MYH6: variants seen among roughly 807,000 people sequenced by gnomAD.
MYH6 encodes the protein myosin heavy chain 6.
Under a neutral mutation model 223.2 loss-of-function variants are expected in MYH6, and 126 were observed. The ratio of observed to expected loss-of-function variants is 0.56; its 90% CI spans 0.49 to 0.65. The LOEUF (loss-of-function observed/expected upper bound fraction) is 0.65, where lower values mean the gene tolerates loss of function less well. Among genes scored for constraint, MYH6 ranks in the 30% least tolerant of loss-of-function variants. The pLI is 0.00. For missense variants in MYH6, 2,040 were observed against 2,536.4 expected (o/e 0.80, Z 4.20); for synonymous variants, 978 against 1,010.2 (o/e 0.97, Z 0.61).
At position 23,407,519 on chromosome 14, in the gene MYH6, C is replaced by T. The variant is rs144610591; in HGVS notation, c.-14+57G>A. ...ACAGCAGACCCCTGGTCCAGCAATCCGGCTCCCAGGAGAAGCATGCCCCAG... is the reference window on the plus strand; with the variant it reads ...ACAGCAGACCCCTGGTCCAGCAATCTGGCTCCCAGGAGAAGCATGCCCCAG... On this transcript the variant is annotated intron_variant, in intron 2 of 38. Transcript: ENST00000405093. This position sits in a 1 kb window ranked among gnomAD's most constrained non-coding sequence, Gnocchi z 5.6. 938 of 1,306,500 alleles carry T rather than the reference C, an allele frequency of 7.2e-4. 4 individuals are homozygous for T. The African/African-American group carries it at 9.8e-3, about 14-fold the overall frequency. The allele number at this position is 1,306,500 out of a possible 1,614,324, so 80.9% of individuals were successfully genotyped here. A position where few individuals can be genotyped will look rare whatever the true frequency, so the allele number is the denominator to read the frequency against.
Position 23,393,043 on chromosome 14 carries a change from T to G in MYH6, c.3120A>C (p.Leu1040=), listed in dbSNP as rs778118210. The change falls in exon 24 of 39, where the codon CTA becomes CTC. Residue 1040 remains leucine (L), a synonymous_variant. Coordinates refer to ENST00000405093, the MANE Select transcript of MYH6 (RefSeq NM_002471.4). ...CCATGCGCACCTTCTTCTCTTGCTCTAGGGATCCCTCCAGCTGTTGGAGGG... is the reference window on the plus strand; with the variant it reads ...CCATGCGCACCTTCTTCTCTTGCTCGAGGGATCCCTCCAGCTGTTGGAGGG... ...EQQVDDLEGS[L]EQEKKVRMDL... is the part of the protein sequence containing the mutation. The G allele has an allele frequency of 6.2e-7, 1 of 1,614,198 alleles. No individual in the cohort carries two copies. The highest frequency in any genetic ancestry group is 1.7e-5 in the Admixed American group (1 of 60,026).
chr14:23,386,263 T>G, intron 33 of MYH6, 52 bp downstream of exon 33: 1 of 1,613,816 alleles, frequency 6.2e-7, no homozygotes, highest in Non-Finnish European at 8.5e-7. Flanking sequence ...CCACTGCTTC[T>G]CCAGGCCACA....
At chr14:23,401,070 G>A (rs1438086838) in intron 12 of MYH6, 93 bp from the exon 13 acceptor site, 11 of 1,541,738 alleles carry the variant, frequency 7.1e-6, no homozygotes, top group African/African-American at 1.4e-5. Context: ...GCAGTGGCAC[G>A]ATCTTGGCTC....
rs1891742669 is a variant in MYH6, at chr14:23,405,148, A to G, written c.503-21T>C. 1 of 1,613,936 alleles carries G rather than the reference A, an allele frequency of 6.2e-7. No individual in the cohort carries two copies. The highest frequency in any genetic ancestry group is 1.3e-5 in the African/African-American group (1 of 74,922). ...CCGATCTGGAAGAAAAAAGAGGAGA[A>G]GCAATGGGGTCAGGGCTGAGGATCT... On this transcript the variant is annotated intron_variant, in intron 5 of 38. Transcript: ENST00000405093. The surrounding 1 kb of genome is among the most constrained non-coding windows in gnomAD (Gnocchi z 4.7).
intron 3 of MYH6, among the ~76,000 whole-genome samples, chr14:23,406,780 A>G (rs1891801830): frequency 1.3e-5 from 2 of 152,116 alleles, no homozygotes; most frequent in Non-Finnish European, 2.9e-5. Context: ...GCGAACACTG[A>G]GGTTCTTCTT....
intron 8 of MYH6, 145 bp from the exon 9 acceptor site, chr14:23,403,923 C>T (rs1891693494): frequency 2.6e-6 from 2 of 768,608 alleles, no homozygotes; most frequent in East Asian, 5.3e-5. Flanking sequence ...TGAAGCCGGG[C>T]AGAGGATGCC....
At chr14:23,401,108 G>A (rs1487334633) in intron 12 of MYH6, 131 bp from the exon 13 acceptor site, 2 of 1,442,838 alleles carry the variant, frequency 1.4e-6, no homozygotes, top group African/African-American at 2.8e-5. Context: ...CTGGGTTCAA[G>A]TGATTTTCCT....
chr14:23,404,700 C>A lies in MYH6; in HGVS notation c.642+11G>T, dbSNP rs1891724436. The stretch of plus-strand genomic sequence containing the variant: ...ACCCCTGTTCTGCCGAGCCTGTGTC[C>A]CCCATGGCACCTTGTTCGCATTGGC... On this transcript the variant is annotated intron_variant, in intron 7 of 38. Transcript: ENST00000405093. The A allele has an allele frequency of 6.2e-7, 1 of 1,612,442 alleles. No homozygotes were observed. Among genetic ancestry groups the A allele is most frequent in the African/African-American group, 1.3e-5 (1 of 74,994 alleles).
chr14:23,392,674 G>A, intron 24 of MYH6, 22 bp from the exon 25 acceptor site: 3 of 1,459,620 alleles, frequency 2.1e-6, no homozygotes, highest in Non-Finnish European at 2.9e-6. Flanking sequence ...GGGTGGGGGT[G>A]GGGGAGTGAC....
chr14:23,383,134 T>C (rs1566503789), intron 37 of MYH6, 91 bp downstream of exon 37: 2 of 1,170,048 alleles, frequency 1.7e-6, no homozygotes, highest in Non-Finnish European at 2.6e-6. Flanking sequence ...TATAGCAAAC[T>C]CTTTGTCCAG....
chr14:23,407,718 C>T lies in MYH6; in HGVS notation c.-46-110G>A. 1 of 788,014 alleles carries T rather than the reference C, an allele frequency of 1.3e-6. No homozygotes were observed. The highest frequency in any genetic ancestry group is 1.6e-6 in the Non-Finnish European group (1 of 629,458). 48.8% of individuals were successfully genotyped at this position (788,014 alleles called of 1,614,324 possible). ...CAGGCCACCCGGGGATGGAGGCAGC[C>T]CCAGAGCGCAGACAGGCAGGACAGA... On this transcript the variant is annotated intron_variant, in intron 1 of 38. Coordinates refer to ENST00000405093, the MANE Select transcript of MYH6 (RefSeq NM_002471.4). The surrounding 1 kb of genome is among the most constrained non-coding windows in gnomAD (Gnocchi z 5.6).
chr14:23,389,257 C>A, intron 28 of MYH6, 136 bp downstream of exon 28: 1 of 1,194,716 alleles, frequency 8.4e-7, no homozygotes, highest in Non-Finnish European at 1.2e-6. Context: ...TGACGCTTAG[C>A]TGCAGGGCAG....
rs571256926 is a variant in MYH6, at chr14:23,407,792, C to G, written c.-46-184G>C. 6.6e-6 allele frequency among the ~76,000 whole-genome samples: 1 copy of G among 152,002 alleles called. No individual in the cohort carries two copies. ...CGCAGAGGCAGAAAAGAAAGGGCAC[C>G]GAGTCAATATGAGTGCGAGGGACGG... On this transcript the variant is annotated intron_variant, in intron 1 of 38. Transcript: ENST00000405093. The surrounding 1 kb of genome is among the most constrained non-coding windows in gnomAD (Gnocchi z 5.6).
intron 30 of MYH6, 88 bp from the exon 31 acceptor site, chr14:23,388,011 C>A: frequency 6.2e-7 from 1 of 1,605,276 alleles, no homozygotes; most frequent in African/African-American, 1.3e-5. Flanking sequence ...CCAGCCTCAG[C>A]CGCATGTCCA....
In MYH6 at chr14:23,405,097, C is replaced by T; in HGVS notation, c.530+3G>A. 6.2e-7 allele frequency: 1 copy of T among 1,614,028 alleles called. No individual in the cohort carries two copies. The highest frequency in any genetic ancestry group is 8.5e-7 in the Non-Finnish European group (1 of 1,180,032). ...CTTCTGTGGGAGGATGGCACTCGCT[C>T]ACGTGATGAGGATGGACTGGTTCTC... On this transcript the variant is annotated splice_donor_region_variant and intron_variant, in intron 6 of 38. Transcript: ENST00000405093. The surrounding 1 kb of genome is among the most constrained non-coding windows in gnomAD (Gnocchi z 4.7).
chr14:23,392,708 C>T (rs1293361376), intron 24 of MYH6, 56 bp from the exon 25 acceptor site: 37 of 1,485,186 alleles, frequency 2.5e-5, no homozygotes, highest in Non-Finnish European at 3.5e-5. Context: ...TCCTCTGGGG[C>T]TCATTCTCTT....
In MYH6 at chr14:23,402,705, C is replaced by T. The variant is rs765987210; in HGVS notation, c.994G>A (p.Ala332Thr). 6 of 1,613,596 alleles carry T rather than the reference C, an allele frequency of 3.7e-6. No homozygotes were observed. Among genetic ancestry groups the T allele is most frequent in the Non-Finnish European group, 5.1e-6 (6 of 1,179,946 alleles). ...ASIDDSEELM[A>T]TDSAFDVLGF... ...GCAGCCCCCTCACTCACATCGGTGG[C>T]CATGAGCTCCTCGGAGTCATCAATG... Residue 332 changes from alanine (A) to threonine (T), a missense_variant, in exon 11 of 39, where the codon GCC becomes ACC. Coordinates refer to ENST00000405093, the MANE Select transcript of MYH6 (RefSeq NM_002471.4).
intron 37 of MYH6, 38 bp downstream of exon 37, chr14:23,383,187 G>A: frequency 6.6e-7 from 1 of 1,506,022 alleles, no homozygotes; most frequent in Non-Finnish European, 9.2e-7. Context: ...CAAATAGTAG[G>A]TGTGTTGATG....
Position 23,402,498 on chromosome 14 carries a change from C to G in MYH6, c.1107G>C (p.Gln369His). ...CGTCTGGCTCCGCCTGCTCCTCCCG[C>G]TGCTTCTGCTTGAACTTCATGTTCC... is the stretch of plus-strand genomic sequence containing the variant. ...HYGNMKFKQKQREEQAEPDGT... is the reference protein window; with the variant it reads ...HYGNMKFKQKHREEQAEPDGT... The change falls in exon 12 of 39, where the codon CAG becomes CAC. Residue 369 changes from glutamine (Q) to histidine (H), a missense_variant. This residue lies in a region of MYH6 where 649 missense variants were observed against 877.3 expected (regional missense o/e 0.74). Transcript: ENST00000405093. 6.2e-7 allele frequency: 1 copy of G among 1,613,724 alleles called. No individual in the cohort carries two copies. Among genetic ancestry groups the G allele is most frequent in the East Asian group, 2.2e-5 (1 of 44,816 alleles).
Sources: gnomAD v4.1 joint callset for allele counts (sites outside exome capture counted in the v4.1 genomes callset) on GRCh38, gnomAD v4.1.1 for gene constraint, gnomAD v4.1.1 regional missense constraint, Gnocchi (gnomAD v3.1) non-coding constraint, MANE v1.5 for transcripts, NCBI Gene and HGNC (gene_info 2026-07-23, HGNC 2026-07-21) for gene names.